RNF144A: variants seen among roughly 807,000 people sequenced by gnomAD.
The protein encoded by RNF144A is ring finger protein 144A.
Under a neutral mutation model 38.7 loss-of-function variants are expected in RNF144A, and 11 were observed. The observed-to-expected ratio is 0.28, with a 90% CI of 0.18 to 0.47. The LOEUF is 0.47. Ranked by LOEUF, RNF144A falls within the 20% of genes least tolerant of loss-of-function variation. The probability of loss-of-function intolerance (pLI) is 0.99; values close to 1 mark genes in which losing one functional copy is unlikely to be tolerated. For synonymous variants in RNF144A, 149 were observed against 143.9 expected (o/e 1.04, Z -0.25); for missense variants, 316 against 377.2 (o/e 0.84, Z 1.34).
At chr2:6,931,163 C>T (rs1665188363) in intron 1 of RNF144A, among the ~76,000 whole-genome samples, 1 of 152,172 alleles carries the variant, frequency 6.6e-6, no homozygotes, top group African/African-American at 2.4e-5. Flanking sequence ...CGGTCGTGGT[C>T]AGTGCTTGAG....
chr2:6,981,562 C>T lies in RNF144A; in HGVS notation c.-11-15354C>T, dbSNP rs557759643. ...TAAAGCATAGTGAGAGTGACCTTTG[C>T]TCCAGTTCCCATTAGGTTCCTCATC... is the stretch of plus-strand genomic sequence containing the variant. On this transcript the variant is annotated intron_variant, in intron 2 of 8. Transcript: ENST00000320892. Among the ~76,000 whole-genome samples, 3 of 152,310 alleles carry T rather than the reference C, an allele frequency of 2.0e-5. No homozygotes were observed. In the South Asian group the frequency reaches 6.2e-4, roughly 32 times the overall value.
rs1671451946 is a variant in RNF144A, at chr2:7,020,557, C to A, written c.386C>A (p.Thr129Asn). 1 of 1,613,132 alleles carries A rather than the reference C, an allele frequency of 6.2e-7. No individual in the cohort carries two copies. Among genetic ancestry groups the A allele is most frequent in the South Asian group, 1.1e-5 (1 of 91,084 alleles). Residue 129 changes from threonine (T) to asparagine (N), a missense_variant, in exon 6 of 9, where the codon ACC becomes AAC. Transcript: ENST00000320892. ...VCQLQDVGLQ[T>N]PQPVQCKACR... ...CAGCTCCAGGACGTGGGGCTGCAGA[C>A]CCCCCAGCCAGTGCAGTGCAAAGCC... is the stretch of plus-strand genomic sequence containing the variant.
intron 8 of RNF144A, 94 bp from the exon 9 acceptor site, chr2:7,039,535 G>A: frequency 6.5e-7 from 1 of 1,545,730 alleles, no homozygotes; most frequent in Non-Finnish European, 8.7e-7. Flanking sequence ...TGGATGGATG[G>A]ATGGATGGGT....
At chr2:6,945,225 C>T (rs940163132) in intron 2 of RNF144A, among the ~76,000 whole-genome samples, 1 of 152,228 alleles carries the variant, frequency 6.6e-6, no homozygotes, top group Non-Finnish European at 1.5e-5. Context: ...AAGACCGATA[C>T]CTTGCTCTAG....
chr2:6,971,647 C>T (rs895889931), intron 2 of RNF144A, among the ~76,000 whole-genome samples: 3 of 152,150 alleles, frequency 2.0e-5, no homozygotes, highest in African/African-American at 4.8e-5. Flanking sequence ...GTATGGGGAG[C>T]GGCAGCACTG....
intron 5 of RNF144A, among the ~76,000 whole-genome samples, chr2:7,019,965 A>G (rs1307557357): frequency 6.6e-6 from 1 of 152,206 alleles, no homozygotes; most frequent in Non-Finnish European, 1.5e-5. Context: ...CAATCCAGCC[A>G]TCTTCCTTCC....
intron 7 of RNF144A, among the ~76,000 whole-genome samples, chr2:7,028,535 G>A (rs1405507790): frequency 6.6e-6 from 1 of 152,234 alleles, no homozygotes; most frequent in Non-Finnish European, 1.5e-5. Flanking sequence ...TCTCAACTGG[G>A]TAGTACACAG....
At chr2:6,937,191 A>G (rs1665647242) in intron 1 of RNF144A, among the ~76,000 whole-genome samples, 1 of 152,224 alleles carries the variant, frequency 6.6e-6, no homozygotes, top group African/African-American at 2.4e-5. Context: ...ACCTGGGTAC[A>G]CATGCAGCTT....
rs754869942 is a variant in RNF144A, at chr2:6,958,514, G to A, written c.-12+17367G>A. The stretch of plus-strand genomic sequence containing the variant: ...AATAACCCATGTGGCCCACTTTTTC[G>A]TTCTTGGTGGAGCGCTGGCTCCTTC... On this transcript the variant is annotated intron_variant, in intron 2 of 8. Transcript: ENST00000320892. This position sits in a 1 kb window ranked among gnomAD's most constrained non-coding sequence, Gnocchi z 4.5. 8.5e-5 allele frequency among the ~76,000 whole-genome samples: 13 copies of A among 152,238 alleles called. No individual in the cohort carries two copies. The highest frequency in any genetic ancestry group is 1.9e-4 in the East Asian group (1 of 5,182).
intron 2 of RNF144A, among the ~76,000 whole-genome samples, chr2:6,961,289 T>G (rs1667317024): frequency 6.6e-6 from 1 of 152,182 alleles, no homozygotes; most frequent in Admixed American, 6.5e-5. Context: ...TAAATCTTTA[T>G]GATGATAATG....
intron 2 of RNF144A, among the ~76,000 whole-genome samples, chr2:6,966,155 A>C (rs761082015): frequency 6.6e-6 from 1 of 152,246 alleles, no homozygotes; most frequent in Non-Finnish European, 1.5e-5. Context: ...GAAACACCGG[A>C]ATATTTTAAA....
At chr2:7,014,669 C>T (rs1016783883) in intron 4 of RNF144A, 43 bp from the exon 5 acceptor site, 2 of 1,569,620 alleles carry the variant, frequency 1.3e-6, no homozygotes, top group Non-Finnish European at 1.8e-6. Context: ...TATTCTAGCC[C>T]TCAGCTTGTT....
intron 2 of RNF144A, among the ~76,000 whole-genome samples, chr2:6,986,047 T>C (rs1668942053): frequency 1.3e-5 from 2 of 152,140 alleles, no homozygotes; most frequent in Admixed American, 6.5e-5. Flanking sequence ...CTCTCACTGA[T>C]GAGCAGAGTC....
intron 1 of RNF144A, among the ~76,000 whole-genome samples, chr2:6,931,279 T>G (rs183848414): frequency 7.9e-5 from 12 of 152,390 alleles, no homozygotes; most frequent in Admixed American, 3.9e-4. Flanking sequence ...GTTCCTGTTT[T>G]ATTCATCTCT....
intron 1 of RNF144A, among the ~76,000 whole-genome samples, chr2:6,920,820 C>T (rs1664495964): frequency 6.6e-6 from 1 of 152,144 alleles, no homozygotes; most frequent in Admixed American, 6.5e-5. Context: ...AAATTGAAGC[C>T]ACTGCTCACA....
chr2:7,000,877 A>T (rs935126187), intron 3 of RNF144A, among the ~76,000 whole-genome samples: 5 of 149,412 alleles, frequency 3.3e-5, no homozygotes, highest in Non-Finnish European at 7.4e-5. Flanking sequence ...TATATATATA[A>T]TTTTTTTTTG....
At position 6,958,166 on chromosome 2, in the gene RNF144A, T is replaced by C. The variant is rs1362356245; in HGVS notation, c.-12+17019T>C. Among the ~76,000 whole-genome samples the C allele has an allele frequency of 6.6e-6, 1 of 152,232 alleles. No homozygotes were observed. The highest frequency in any genetic ancestry group is 1.5e-5 in the Non-Finnish European group (1 of 68,038). ...ACCATGGGGCACCGGGCGTGCTGTC[T>C]CTTCCTGGAAGGTGGAACTTGATCA... On this transcript the variant is annotated intron_variant, in intron 2 of 8. Transcript: ENST00000320892. The surrounding 1 kb of genome is among the most constrained non-coding windows in gnomAD (Gnocchi z 4.5).
chr2:6,969,275 C>T (rs1667854891), intron 2 of RNF144A, among the ~76,000 whole-genome samples: 1 of 152,160 alleles, frequency 6.6e-6, no homozygotes, highest in Non-Finnish European at 1.5e-5. Flanking sequence ...AGGGCCTTTA[C>T]AGTGGTAATC....
At chr2:6,981,110 A>C (rs1396674995) in intron 2 of RNF144A, among the ~76,000 whole-genome samples, 5 of 152,094 alleles carry the variant, frequency 3.3e-5, no homozygotes, top group African/African-American at 9.7e-5. Flanking sequence ...TGGCCCACAA[A>C]ACCATTTTTT....
Sources: allele counts gnomAD v4.1 joint callset (sites outside exome capture counted in the v4.1 genomes callset), GRCh38; gene constraint gnomAD v4.1.1; non-coding constraint Gnocchi (gnomAD v3.1); transcripts MANE v1.5; gene names NCBI Gene and HGNC (gene_info 2026-07-23, HGNC 2026-07-21).